The following ERGIC1 variants were observed in gnomAD, a reference collection of about 807,000 sequenced individuals.
ERGIC1 encodes endoplasmic reticulum-Golgi intermediate compartment protein 1.
A neutral mutation model predicts 38.3 loss-of-function variants in ERGIC1; 19 were observed. That is an observed-to-expected ratio of 0.50 (90% confidence interval 0.35 to 0.73). The LOEUF is 0.73. Ranked by LOEUF, ERGIC1 falls within the 30% of genes least tolerant of loss-of-function variation. ERGIC1 has a pLI of 0.01. For missense variants in ERGIC1, 294 were observed against 389.2 expected (o/e 0.76, Z 2.06); for synonymous variants, 124 against 157.6 (o/e 0.79, Z 1.60).
rs141161933 is a variant in ERGIC1, at chr5:172,944,166, G to A, written c.766-6543G>A. Among the ~76,000 whole-genome samples, 233 of 152,326 alleles carry A rather than the reference G, an allele frequency of 1.5e-3. 2 individuals are homozygous for A. Among genetic ancestry groups the A allele is most frequent in the Non-Finnish European group, 2.6e-3 (177 of 68,034 alleles). The stretch of plus-strand genomic sequence containing the variant: ...GCTGTGGCTGCTGCCCAGAGCAGTG[G>A]TGCATGCACTGGCCGAGGTGGCCCT... On this transcript the variant is annotated intron_variant, in intron 9 of 9. Transcript: ENST00000393784.
In ERGIC1 at chr5:172,914,751, C is replaced by T. The variant is rs145684260; in HGVS notation, c.288C>T (p.His96=). The part of the protein sequence containing the change: ...GLDIQDEMGR[H]EVGHIDNSMK... ...ACATTCAGGATGAGATGGGCAGGCA[C>T]GAAGTGGGCCACATCGACAACTCCA... The change falls in exon 5 of 10, where the codon CAC becomes CAT. Residue 96 remains histidine (H), a synonymous_variant. Transcript: ENST00000393784. 2.0e-5 allele frequency: 33 copies of T among 1,614,104 alleles called. No individual in the cohort carries two copies. The highest frequency in any genetic ancestry group is 5.3e-5 in the African/African-American group (4 of 75,030).
intron 1 of ERGIC1, among the ~76,000 whole-genome samples, chr5:172,835,061 C>T (rs1007653082): frequency 5.9e-5 from 9 of 152,350 alleles, no homozygotes; most frequent in Admixed American, 3.9e-4. Context: ...CGGGGTCTGG[C>T]CTTGGCTTTC....
At position 172,932,830 on chromosome 5, in the gene ERGIC1, A is replaced by G. The variant is rs543381226; in HGVS notation, c.642+294A>G. 7.1e-4 allele frequency: 279 copies of G among 391,176 alleles called. 1 individual carries two copies. The highest frequency in any genetic ancestry group is 5.6e-3 in the Middle Eastern group (7 of 1,248). The allele number at this position is 391,176 out of a possible 1,614,324, so 24.2% of individuals were successfully genotyped here. A position where few individuals can be genotyped will look rare whatever the true frequency, so the allele number is the denominator to read the frequency against. On this transcript the variant is annotated intron_variant, in intron 8 of 9. Transcript: ENST00000393784. ...AAAGGTCCTGGGGTTGCAGGTCTCA[A>G]ACAGCCCTGCATCTGGTCCGAGTCC...
chr5:172,890,167 G>A (rs1187414918), intron 2 of ERGIC1, among the ~76,000 whole-genome samples: 1 of 152,200 alleles, frequency 6.6e-6, no homozygotes, highest in Non-Finnish European at 1.5e-5. Context: ...GATGCATGGA[G>A]GCATCTTGCC....
rs139536510 is a variant in ERGIC1, at chr5:172,913,466, A to C, written c.251-1248A>C. ...CATTGGCATTTCCCATGTCCTGTGG[A>C]CCCGTGAGGGTCATTTCGAATGGCT... On this transcript the variant is annotated intron_variant, in intron 4 of 9. Coordinates refer to ENST00000393784, the MANE Select transcript of ERGIC1 (RefSeq NM_001031711.3). Among the ~76,000 whole-genome samples, 606 of 152,266 alleles carry C rather than the reference A, an allele frequency of 4.0e-3. 2 individuals carry two copies. The highest frequency in any genetic ancestry group is 0.014 in the African/African-American group (589 of 41,552).
intron 1 of ERGIC1, among the ~76,000 whole-genome samples, chr5:172,886,812 G>GC (rs200024496): frequency 0.018 from 2,757 of 152,276 alleles, 78 homozygotes; most frequent in African/African-American, 0.056. Flanking sequence ...TCATAGTTGA[G>GC]CCCAGGCATC....
intron 8 of ERGIC1, 106 bp downstream of exon 8, chr5:172,932,642 C>T: frequency 1.7e-6 from 2 of 1,160,394 alleles, no homozygotes; most frequent in Middle Eastern, 2.3e-4. Flanking sequence ...TGATTCCTTT[C>T]TGGAGGCCTT....
In ERGIC1 at chr5:172,837,093, T is replaced by TC. The variant is rs1761055221; in HGVS notation, c.20+2665dup. Among the ~76,000 whole-genome samples, 1 of 152,012 alleles carries TC rather than the reference T, an allele frequency of 6.6e-6. No individual in the cohort carries two copies. Among genetic ancestry groups the TC allele is most frequent in the Non-Finnish European group, 1.5e-5 (1 of 67,984 alleles). ...AGGGGTATACCGTGATTAGACCTCC[T>TC]CCCCCAGTTCAAGGCCAGGGAGAAA... On this transcript the variant is annotated intron_variant, in intron 1 of 9. Transcript: ENST00000393784. The surrounding 1 kb of genome is among the most constrained non-coding windows in gnomAD (Gnocchi z 4.3).
intron 4 of ERGIC1, among the ~76,000 whole-genome samples, chr5:172,914,366 A>G (rs570065821): frequency 1.1e-4 from 17 of 152,208 alleles, no homozygotes; most frequent in Middle Eastern, 3.4e-3. Context: ...GATCCCCATA[A>G]TCTTTCAAGG....
At chr5:172,933,859 C>T (rs533756506) in intron 8 of ERGIC1, 30 of 151,864 alleles carry the variant, frequency 2.0e-4, no homozygotes, top group Non-Finnish European at 3.2e-4. Flanking sequence ...GGAGATGATA[C>T]TTTATAAGAG....
chr5:172,931,583 C>T (rs574437906), intron 7 of ERGIC1, among the ~76,000 whole-genome samples: 48 of 152,292 alleles, frequency 3.2e-4, no homozygotes, highest in African/African-American at 1.2e-3. Context: ...AGGCTCTTTT[C>T]TTTTTAATAC....
chr5:172,874,658 G>C lies in ERGIC1; in HGVS notation c.21-14041G>C, dbSNP rs182694944. ...AAGAAGAGGGCAGAGGCTGGGCGTGGTGGCTCACACCTGTAATCCCAACAC... is the reference window on the plus strand; with the variant it reads ...AAGAAGAGGGCAGAGGCTGGGCGTGCTGGCTCACACCTGTAATCCCAACAC... On this transcript the variant is annotated intron_variant, in intron 1 of 9. Coordinates refer to ENST00000393784, the MANE Select transcript of ERGIC1 (RefSeq NM_001031711.3). 3.2e-3 allele frequency among the ~76,000 whole-genome samples: 480 copies of C among 151,832 alleles called. 3 individuals are homozygous for C. The highest frequency in any genetic ancestry group is 0.011 in the African/African-American group (463 of 41,386).
chr5:172,864,307 A>C (rs1581522681), intron 1 of ERGIC1, among the ~76,000 whole-genome samples: 1 of 106,194 alleles, frequency 9.4e-6, no homozygotes, highest in Non-Finnish European at 1.7e-5. Context: ...TTGCTCTGTC[A>C]CCCAGCCCAG....
intron 9 of ERGIC1, among the ~76,000 whole-genome samples, chr5:172,945,639 A>T (rs182103332): frequency 1.0e-3 from 153 of 152,120 alleles, no homozygotes; most frequent in Non-Finnish European, 7.8e-4. Flanking sequence ...GGTGCTCCAG[A>T]TGTATTTTCA....
intron 1 of ERGIC1, among the ~76,000 whole-genome samples, chr5:172,836,033 T>C (rs1017251141): frequency 6.6e-6 from 1 of 152,242 alleles, no homozygotes; most frequent in Non-Finnish European, 1.5e-5. Context: ...ATTCAGTAGG[T>C]TCCGGTGATT....
chr5:172,916,229 T>C (rs900294941), intron 5 of ERGIC1: 3 of 152,322 alleles, frequency 2.0e-5, no homozygotes, highest in Admixed American at 1.3e-4. Context: ...GTTTCGAGTG[T>C]TGCTGGGAGA....
chr5:172,854,010 T>G (rs1346863212), intron 1 of ERGIC1, among the ~76,000 whole-genome samples: 1 of 152,176 alleles, frequency 6.6e-6, no homozygotes, highest in African/African-American at 2.4e-5. Context: ...TTGACAGTAG[T>G]GTATCTGCTC....
chr5:172,905,565 G>T (rs1454539340), intron 3 of ERGIC1: 20 of 400,320 alleles, frequency 5.0e-5, no homozygotes, highest in Non-Finnish European at 1.0e-4. Context: ...GGACAAACCC[G>T]GGCACTTAGC....
chr5:172,842,654 T>C (rs934970689), intron 1 of ERGIC1, among the ~76,000 whole-genome samples: 1 of 152,180 alleles, frequency 6.6e-6, no homozygotes, highest in Admixed American at 6.5e-5. Flanking sequence ...AAGCATTCCC[T>C]CTCCCCACAT....
Sources: allele counts gnomAD v4.1 joint callset (sites outside exome capture counted in the v4.1 genomes callset), GRCh38; gene constraint gnomAD v4.1.1; non-coding constraint Gnocchi (gnomAD v3.1); transcripts MANE v1.5; gene names NCBI Gene and HGNC (gene_info 2026-07-23, HGNC 2026-07-21).